Variants in BAZ2B observed in about 807,000 individuals in gnomAD.
The protein encoded by BAZ2B is bromodomain adjacent to zinc finger domain 2B.
BAZ2B carries 91 observed loss-of-function variants against 246.0 expected under a neutral mutation model. That is an observed-to-expected ratio of 0.37 (90% confidence interval 0.31 to 0.44). The LOEUF (loss-of-function observed/expected upper bound fraction) is 0.44, where lower values mean the gene tolerates loss of function less well. Ranked by LOEUF, BAZ2B falls within the 20% of genes least tolerant of loss-of-function variation. The probability of loss-of-function intolerance (pLI) is 1.00; values close to 1 mark genes in which losing one functional copy is unlikely to be tolerated. For missense variants in BAZ2B, 2,332 were observed against 2,533.7 expected, an observed-to-expected ratio of 0.92 and a Z score of 1.71; for synonymous variants, 855 against 860.0, an observed-to-expected ratio of 0.99 and a Z score of 0.10.
intron 1 of BAZ2B, among the ~76,000 whole-genome samples, chr2:159,585,574 A>G (rs2151661949): frequency 6.6e-6 from 1 of 152,374 alleles, no homozygotes; most frequent in East Asian, 1.9e-4. Context: ...CTGTTGCTGT[A>G]CATTTTGCAA....
intron 2 of BAZ2B, among the ~76,000 whole-genome samples, chr2:159,481,123 A>T (rs1462648016): frequency 2.6e-5 from 4 of 152,178 alleles, no homozygotes; most frequent in South Asian, 4.1e-4. Flanking sequence ...CTCTAGAATG[A>T]AGATTGTCTT....
chr2:159,571,857 C>T (rs370509045), intron 1 of BAZ2B, among the ~76,000 whole-genome samples: 1 of 152,128 alleles, frequency 6.6e-6, no homozygotes, highest in African/African-American at 2.4e-5. Flanking sequence ...GGAGCCTACT[C>T]CCAAGATAAC....
At chr2:159,462,371 T>C (rs547569828) in intron 3 of BAZ2B, 13 of 1,164,060 alleles carry the variant, frequency 1.1e-5, no homozygotes, top group Admixed American at 1.8e-5. Context: ...TTCCACATAC[T>C]GAAGAATCCT....
chr2:159,643,876 C>CAAAAAAAAAAAAAAAAAAAAAA, the BAZ2B span, among the ~76,000 whole-genome samples: 1 of 65,892 alleles, frequency 1.5e-5, no homozygotes, highest in Non-Finnish European at 2.9e-5. Flanking sequence ...AACTCCATCA[C>CAAAAAAAAAAAAAAAAAAAAAA]AAAAAAAAAA....
intron 2 of BAZ2B, among the ~76,000 whole-genome samples, chr2:159,481,971 T>C (rs1050946597): frequency 8.5e-5 from 13 of 152,058 alleles, no homozygotes; most frequent in African/African-American, 3.1e-4. Context: ...GTTTAGTTAA[T>C]AGTATTCTAT....
chr2:159,539,550 G>A (rs927543503), intron 2 of BAZ2B, among the ~76,000 whole-genome samples: 2 of 152,198 alleles, frequency 1.3e-5, no homozygotes, highest in African/African-American at 2.4e-5. Flanking sequence ...ACATGGTGGT[G>A]GAGGGATTAT....
At chr2:159,462,413 T>C in intron 3 of BAZ2B, 1 of 1,275,908 alleles carries the variant, frequency 7.8e-7, no homozygotes, top group Non-Finnish European at 1.1e-6. Flanking sequence ...TGCATTTCTT[T>C]GCTAATGTTG....
the BAZ2B span, among the ~76,000 whole-genome samples, chr2:159,652,701 C>T: frequency 5.3e-5 from 8 of 151,902 alleles, no homozygotes; most frequent in African/African-American, 1.7e-4. Flanking sequence ...TACTAACAGC[C>T]CTAACCTCCT....
intron 23 of BAZ2B, 123 bp downstream of exon 23, chr2:159,385,032 A>G: frequency 1.0e-6 from 1 of 1,001,648 alleles, no homozygotes; most frequent in Non-Finnish European, 1.5e-6. Flanking sequence ...GATAAGTACA[A>G]TTTTAATTTT....
At chr2:159,602,187 C>A (rs1361695994) in intron 1 of BAZ2B, among the ~76,000 whole-genome samples, 18 of 152,108 alleles carry the variant, frequency 1.2e-4, no homozygotes, top group Admixed American at 1.2e-3. Context: ...AAATGATACA[C>A]TGGTCTTCTA....
At chr2:159,508,020 G>A (rs1315734771) in intron 2 of BAZ2B, among the ~76,000 whole-genome samples, 2 of 152,082 alleles carry the variant, frequency 1.3e-5, no homozygotes, top group Non-Finnish European at 2.9e-5. Context: ...ACAGTCATGC[G>A]CCACCATGCC....
At chr2:159,343,630 C>T (rs2067151820) in intron 31 of BAZ2B, among the ~76,000 whole-genome samples, 2 of 151,014 alleles carry the variant, frequency 1.3e-5, no homozygotes, top group South Asian at 2.1e-4. Flanking sequence ...ACATGGCCAA[C>T]AAATATATGA....
At chr2:159,426,419 A>C (rs935835357) in intron 13 of BAZ2B, among the ~76,000 whole-genome samples, 1 of 152,194 alleles carries the variant, frequency 6.6e-6, no homozygotes, top group African/African-American at 2.4e-5. Context: ...TAAAACGATT[A>C]AAGTTTCTAA....
intron 36 of BAZ2B, among the ~76,000 whole-genome samples, chr2:159,321,669 A>G (rs146175368): frequency 3.2e-4 from 49 of 152,324 alleles, no homozygotes; most frequent in Non-Finnish European, 5.7e-4. Flanking sequence ...AAACACAAAC[A>G]TCACGTGTTC....
In BAZ2B at chr2:159,427,999, A is replaced by T; in HGVS notation, c.2408T>A (p.Phe803Tyr). 1 of 1,613,570 alleles carries T rather than the reference A, an allele frequency of 6.2e-7. No individual in the cohort carries two copies. The highest frequency in any genetic ancestry group is 8.5e-7 in the Non-Finnish European group (1 of 1,179,576). The stretch of plus-strand genomic sequence containing the variant: ...CACTCTTATTTTTGCACTGAAGCTG[A>T]AATTGTCCCTTGAGATATCCATTAT... The part of the protein sequence containing the change: ...NGIMDISRDN[F>Y]SFSAKIRVGD... The change falls in exon 13 of 37, where the codon TTC becomes TAC. Residue 803 changes from phenylalanine to tyrosine, a missense_variant. Around this residue, in one of 9 missense-constraint regions of BAZ2B, gnomAD observed 651 missense variants for 650.9 expected, o/e 1.00. Transcript: ENST00000392783.
At chr2:159,624,568 T>C in the BAZ2B span, among the ~76,000 whole-genome samples, 1 of 152,156 alleles carries the variant, frequency 6.6e-6, no homozygotes, top group Non-Finnish European at 1.5e-5. Context: ...GGAGTGGACC[T>C]CCAGCAGACC....
chr2:159,441,026 A>G (rs1404918951), intron 6 of BAZ2B, among the ~76,000 whole-genome samples: 1 of 152,152 alleles, frequency 6.6e-6, no homozygotes, highest in Non-Finnish European at 1.5e-5. Flanking sequence ...ATAATAATAT[A>G]TTAATATTAA....
At chr2:159,625,434 C>T in the BAZ2B span, among the ~76,000 whole-genome samples, 1 of 152,112 alleles carries the variant, frequency 6.6e-6, no homozygotes, top group Non-Finnish European at 1.5e-5. Context: ...ACAGAAAGGT[C>T]GGGTTACCCA....
At chr2:159,374,377 T>C (rs1460624734) in intron 26 of BAZ2B, among the ~76,000 whole-genome samples, 1 of 152,212 alleles carries the variant, frequency 6.6e-6, no homozygotes, top group Non-Finnish European at 1.5e-5. Context: ...TATGCCTTAA[T>C]TGACATTTTG....
Sources: gnomAD v4.1 joint callset for allele counts (sites outside exome capture counted in the v4.1 genomes callset) on GRCh38, gnomAD v4.1.1 for gene constraint, gnomAD v4.1.1 regional missense constraint, MANE v1.5 for transcripts, NCBI Gene and HGNC (gene_info 2026-07-23, HGNC 2026-07-21) for gene names.